The following RAP1A variants were observed in gnomAD, a reference collection of about 807,000 sequenced individuals.
RAP1A encodes RAP1A, member of RAS oncogene family.
RAP1A carries 6 observed loss-of-function variants against 26.4 expected under a neutral mutation model. That is an observed-to-expected ratio of 0.23 (90% CI 0.12 to 0.45). RAP1A has a LOEUF of 0.45. Ranked by LOEUF, RAP1A falls within the 20% of genes least tolerant of loss-of-function variation. The pLI is 0.99. For missense variants in RAP1A, 121 were observed against 217.2 expected (o/e 0.56, Z 2.78); for synonymous variants, 73 against 79.4 (o/e 0.92, Z 0.43).
intron 7 of RAP1A, among the ~76,000 whole-genome samples, chr1:111,710,913 C>T (rs1454942055): frequency 6.6e-6 from 1 of 152,216 alleles, no homozygotes; most frequent in African/African-American, 2.4e-5. Context: ...TCACTGCAAC[C>T]TCTGCCTCCC....
At chr1:111,596,110 A>C (rs770381407) in intron 1 of RAP1A, among the ~76,000 whole-genome samples, 1 of 152,236 alleles carries the variant, frequency 6.6e-6, no homozygotes, top group Non-Finnish European at 1.5e-5. Context: ...ACAGATAAAC[A>C]TAAGTGCAAT....
intron 1 of RAP1A, among the ~76,000 whole-genome samples, chr1:111,655,346 CA>C (rs1471116988): frequency 6.7e-6 from 1 of 149,038 alleles, no homozygotes; most frequent in East Asian, 1.9e-4. Flanking sequence ...ACGGGATAAT[CA>C]AAAAAAGTGG....
At chr1:111,559,725 G>A (rs1444055452) in intron 1 of RAP1A, among the ~76,000 whole-genome samples, 1 of 152,120 alleles carries the variant, frequency 6.6e-6, no homozygotes, top group African/African-American at 2.4e-5. Context: ...TGGTCTTAGG[G>A]AAATAAAATG....
intron 1 of RAP1A, among the ~76,000 whole-genome samples, chr1:111,669,654 A>G (rs1025378986): frequency 4.6e-5 from 7 of 152,270 alleles, no homozygotes; most frequent in Non-Finnish European, 1.5e-5. Flanking sequence ...GCCAGTGTCT[A>G]CATCTTAACT....
intron 1 of RAP1A, chr1:111,648,690 T>A: frequency 1.8e-6 from 1 of 555,208 alleles, no homozygotes; most frequent in Non-Finnish European, 3.4e-6. Context: ...ATGTCTCAGC[T>A]CTGTGAGCGT....
chr1:111,693,933 C>T (rs533288448), intron 2 of RAP1A, among the ~76,000 whole-genome samples: 5 of 150,150 alleles, frequency 3.3e-5, no homozygotes, highest in South Asian at 4.2e-4. Context: ...CAGCATCTTG[C>T]CCTGGAGTGC....
At chr1:111,614,710 G>A (rs926878547) in intron 1 of RAP1A, among the ~76,000 whole-genome samples, 1 of 152,204 alleles carries the variant, frequency 6.6e-6, no homozygotes, top group South Asian at 2.1e-4. Context: ...TGATGTTACT[G>A]TTAGAGTTAG....
chr1:111,578,804 A>C lies in RAP1A; in HGVS notation c.-28+36295A>C, dbSNP rs1459880230. On this transcript the variant is annotated intron_variant, in intron 1 of 7. Transcript: ENST00000356415. The stretch of plus-strand genomic sequence containing the variant: ...GGCTCAGTCCCACAAAACTGCTCTC[A>C]CTTCAGAGGCCAATTGCAAGTCTGG... Among the ~76,000 whole-genome samples, 3 of 152,032 alleles carry C rather than the reference A, an allele frequency of 2.0e-5. No individual in the cohort carries two copies. The East Asian group carries it at 5.8e-4, about 29-fold the overall frequency.
chr1:111,579,086 C>T (rs1452268137), intron 1 of RAP1A, among the ~76,000 whole-genome samples: 4 of 152,218 alleles, frequency 2.6e-5, no homozygotes. Flanking sequence ...CTCCTGGCGT[C>T]TCCTAGTGTT....
chr1:111,648,219 G>C, intron 1 of RAP1A: 1 of 303,328 alleles, frequency 3.3e-6, no homozygotes, highest in South Asian at 3.0e-5. Context: ...TTTTTTTTTT[G>C]ACTTCCAGTG....
In RAP1A at chr1:111,695,398, T is replaced by C; in HGVS notation, c.115T>C (p.Ser39Pro). The C allele has an allele frequency of 6.4e-7, 1 of 1,566,334 alleles. No individual in the cohort carries two copies. Reference protein sequence around the residue: ...VEKYDPTIEDSYRKQVEVDCQ... With the variant: ...VEKYDPTIEDPYRKQVEVDCQ... ...AAAATATGACCCAACGATAGAAGAT[T>C]CCTACAGAAAGGTAAAATGTGAAAC... Residue 39 changes from serine (S) to proline (P), a missense_variant, in exon 3 of 8, where the codon TCC becomes CCC. Ser to Pro is a moderately conservative substitution (Grantham distance 74). Coordinates refer to ENST00000369709, the MANE Select transcript of RAP1A (RefSeq NM_002884.4).
At chr1:111,634,984 A>G (rs529591557) in intron 1 of RAP1A, among the ~76,000 whole-genome samples, 3 of 152,186 alleles carry the variant, frequency 2.0e-5, no homozygotes, top group Non-Finnish European at 4.4e-5. Context: ...TCTAAAATCA[A>G]TTCATTATAG....
intron 2 of RAP1A, 116 bp from the exon 3 acceptor site, chr1:111,695,225 C>A: frequency 1.5e-6 from 1 of 673,670 alleles, no homozygotes; most frequent in South Asian, 2.0e-5. Flanking sequence ...TTTACATTTA[C>A]GTGTTTACCC....
chr1:111,632,021 G>A (rs753362994), intron 1 of RAP1A, among the ~76,000 whole-genome samples: 10 of 152,092 alleles, frequency 6.6e-5, no homozygotes, highest in Non-Finnish European at 1.2e-4. Context: ...GAAATGAGGT[G>A]ATGGAATTAC....
At chr1:111,572,508 G>A (rs1658070872) in intron 1 of RAP1A, among the ~76,000 whole-genome samples, 1 of 152,190 alleles carries the variant, frequency 6.6e-6, no homozygotes, top group African/African-American at 2.4e-5. Context: ...TCTCATCTTT[G>A]GAGGCAATAG....
At chr1:111,680,482 A>T (rs1186447692) in intron 1 of RAP1A, 1 of 152,210 alleles carries the variant, frequency 6.6e-6, no homozygotes, top group South Asian at 2.1e-4. Flanking sequence ...TTAGCTAGAC[A>T]TAGAGTGCTG....
At chr1:111,677,261 C>T (rs1396759703) in intron 1 of RAP1A, among the ~76,000 whole-genome samples, 4 of 152,240 alleles carry the variant, frequency 2.6e-5, no homozygotes, top group Non-Finnish European at 5.9e-5. Context: ...ATCTACTCAC[C>T]TCTTGATAGA....
In RAP1A at chr1:111,563,560, G is replaced by A. The variant is rs530283059; in HGVS notation, c.-28+21051G>A. ...GTTATATACAATAAATTCAGTGATC[G>A]AAGGTGTAGGGTAGGTAGACAAGAG... is the stretch of plus-strand genomic sequence containing the variant. On this transcript the variant is annotated intron_variant, in intron 1 of 7. Coordinates refer to the RAP1A transcript ENST00000356415. 8.2e-4 allele frequency among the ~76,000 whole-genome samples: 125 copies of A among 152,276 alleles called. 4 individuals are homozygous for A. The South Asian group carries it at 0.023, about 28-fold the overall frequency.
chr1:111,608,939 G>C lies in RAP1A; in HGVS notation c.-28+66430G>C, dbSNP rs146044657. On this transcript the variant is annotated intron_variant, in intron 1 of 7. Transcript: ENST00000356415. Reference sequence around the variant, plus strand: ...TATCAATGTCTCACTGCTGAGTTCTGCTGAGCTGACCTCTTGCACTAGACT... The same window carrying C: ...TATCAATGTCTCACTGCTGAGTTCTCCTGAGCTGACCTCTTGCACTAGACT... Among the ~76,000 whole-genome samples, 216 of 152,336 alleles carry C rather than the reference G, an allele frequency of 1.4e-3. 1 individual carries two copies. The highest frequency in any genetic ancestry group is 4.9e-3 in the African/African-American group (203 of 41,578).
Sources: allele counts gnomAD v4.1 joint callset (sites outside exome capture counted in the v4.1 genomes callset), GRCh38; gene constraint gnomAD v4.1.1; transcripts MANE v1.5; gene names NCBI Gene and HGNC (gene_info 2026-07-23, HGNC 2026-07-21).